Variants in LDHC observed in about 807,000 individuals in gnomAD.
LDHC encodes the protein L-lactate dehydrogenase C chain.
In LDHC, 20 loss-of-function variants were observed where a neutral mutation model predicts 30.2. That is an observed-to-expected ratio of 0.66 (90% CI 0.47 to 0.96). The LOEUF is 0.96. Among genes scored for constraint, LDHC ranks in the 40% least tolerant of loss-of-function variants. The pLI, the probability that LDHC is intolerant of heterozygous loss-of-function variation, is 0.00. For missense variants in LDHC, 362 were observed against 394.9 expected, an observed-to-expected ratio of 0.92 and a Z score of 0.71; for synonymous variants, 139 against 132.7, an observed-to-expected ratio of 1.05 and a Z score of -0.32.
intron 4 of LDHC, among the ~76,000 whole-genome samples, chr11:18,430,127 C>A (rs918826811): frequency 6.6e-6 from 1 of 152,156 alleles, no homozygotes; most frequent in African/African-American, 2.4e-5. Flanking sequence ...TTTCTTGTGC[C>A]TCCTTGCAGT....
At chr11:18,437,690 T>C (rs1434641878) in intron 5 of LDHC, among the ~76,000 whole-genome samples, 1 of 149,728 alleles carries the variant, frequency 6.7e-6, no homozygotes, top group East Asian at 2.0e-4. Flanking sequence ...AGGTGGAGCT[T>C]GCAGTGAGCC....
At chr11:18,446,056 T>G (rs1177910603) in intron 6 of LDHC, among the ~76,000 whole-genome samples, 154 bp from the exon 7 acceptor site, 2 of 152,200 alleles carry the variant, frequency 1.3e-5, no homozygotes, top group Non-Finnish European at 2.9e-5. Flanking sequence ...AAAGTTTTGT[T>G]GCCTGTTTAT....
At chr11:18,440,191 G>A (rs1301155233) in intron 6 of LDHC, among the ~76,000 whole-genome samples, 1 of 150,134 alleles carries the variant, frequency 6.7e-6, no homozygotes, top group Non-Finnish European at 1.5e-5. Context: ...GTGTGCCCCT[G>A]TAATCCCAGC....
chr11:18,426,089 C>T (rs1347171026), intron 3 of LDHC, among the ~76,000 whole-genome samples: 1 of 151,172 alleles, frequency 6.6e-6, no homozygotes, highest in Non-Finnish European at 1.5e-5. Context: ...AATCACAGTG[C>T]ACTGCAGCCT....
At chr11:18,445,164 A>G (rs1848534598) in intron 6 of LDHC, among the ~76,000 whole-genome samples, 1 of 152,154 alleles carries the variant, frequency 6.6e-6, no homozygotes, top group African/African-American at 2.4e-5. Context: ...TTACAACTGT[A>G]TAAATTTACA....
rs760397029 is a variant in LDHC, at chr11:18,412,829, A to T, written c.112A>T (p.Ser38Cys). The T allele has an allele frequency of 1.2e-6, 2 of 1,613,548 alleles. No homozygotes were observed. The highest frequency in any genetic ancestry group is 3.3e-5 in the Admixed American group (2 of 59,916). ...TGAVGMACAI[S>C]ILLKDLADEL... ...TGCCGTAGGCATGGCTTGTGCTATT[A>T]GTATCTTACTGAAGGTGAGTGAGAA... The change falls in exon 2 of 8, where the codon AGT becomes TGT. Residue 38 changes from serine (S) to cysteine (C), a missense_variant. Coordinates refer to ENST00000541669, the MANE Select transcript of LDHC (RefSeq NM_017448.5).
intron 5 of LDHC, among the ~76,000 whole-genome samples, chr11:18,435,693 G>A (rs1848344505): frequency 6.6e-6 from 1 of 152,172 alleles, no homozygotes; most frequent in Non-Finnish European, 1.5e-5. Flanking sequence ...TATATTCACA[G>A]GGTTGTACTA....
intron 3 of LDHC, among the ~76,000 whole-genome samples, chr11:18,422,972 A>G (rs1242903795): frequency 6.8e-6 from 1 of 147,232 alleles, no homozygotes; most frequent in Admixed American, 7.1e-5. Flanking sequence ...ACATGTCTCA[A>G]AAAAACCAAA....
At chr11:18,417,638 A>AG (rs567565157) in intron 3 of LDHC, among the ~76,000 whole-genome samples, 141 of 152,252 alleles carry the variant, frequency 9.3e-4, no homozygotes, top group Admixed American at 2.2e-3. Context: ...AGGCTCAAGC[A>AG]GTTGCAGGTG....
At chr11:18,438,500 A>T in intron 5 of LDHC, 28 bp from the exon 6 acceptor site, 1 of 1,388,146 alleles carries the variant, frequency 7.2e-7, no homozygotes, top group Non-Finnish European at 1.0e-6. Flanking sequence ...TGGGAAGAAG[A>T]GTTTATTTTG....
At chr11:18,426,591 A>G (rs1848165894) in intron 3 of LDHC, among the ~76,000 whole-genome samples, 1 of 152,018 alleles carries the variant, frequency 6.6e-6, no homozygotes, top group African/African-American at 2.4e-5. Context: ...TGAAATCAGA[A>G]CCTATTATTA....
chr11:18,444,725 A>G (rs1443696763), intron 6 of LDHC, among the ~76,000 whole-genome samples: 2 of 149,396 alleles, frequency 1.3e-5, no homozygotes, highest in African/African-American at 2.4e-5. Flanking sequence ...ACCTCCTGAT[A>G]TGAATGATAT....
chr11:18,425,465 C>T (rs1848145086), intron 3 of LDHC, among the ~76,000 whole-genome samples: 1 of 152,098 alleles, frequency 6.6e-6, no homozygotes, highest in Non-Finnish European at 1.5e-5. Context: ...ACTGCAATCT[C>T]TGCCTCCCAG....
intron 3 of LDHC, among the ~76,000 whole-genome samples, chr11:18,419,236 T>C (rs73436645): frequency 0.15 from 22,723 of 152,164 alleles, 1,882 homozygotes; most frequent in African/African-American, 0.21. Flanking sequence ...CAATAATACA[T>C]AAGCAAGTGG....
intron 7 of LDHC, among the ~76,000 whole-genome samples, chr11:18,447,913 G>T (rs1848582299): frequency 6.6e-6 from 1 of 151,906 alleles, no homozygotes. Flanking sequence ...GCTGAGTATG[G>T]TGGTGCACGC....
chr11:18,428,746 A>T (rs917664969), intron 3 of LDHC, among the ~76,000 whole-genome samples: 1 of 151,932 alleles, frequency 6.6e-6, no homozygotes, highest in Admixed American at 6.6e-5. Flanking sequence ...GTGATGGTGC[A>T]TGCCTGTAGT....
At chr11:18,420,744 T>C (rs1310901714) in intron 3 of LDHC, among the ~76,000 whole-genome samples, 1 of 148,016 alleles carries the variant, frequency 6.8e-6, no homozygotes, top group Non-Finnish European at 1.5e-5. Flanking sequence ...CACAAAAGTA[T>C]ATATATCAGG....
chr11:18,426,460 T>A (rs1227214233), intron 3 of LDHC, among the ~76,000 whole-genome samples: 2 of 140,230 alleles, frequency 1.4e-5, no homozygotes, highest in African/African-American at 5.5e-5. Context: ...CAGGGAGGCA[T>A]AGGTTGCAGT....
chr11:18,437,398 A>G (rs1206623797), intron 5 of LDHC, among the ~76,000 whole-genome samples: 1 of 152,086 alleles, frequency 6.6e-6, no homozygotes, highest in Non-Finnish European at 1.5e-5. Flanking sequence ...TACATTTGAA[A>G]CCTATTTTTA....
Sources: gnomAD v4.1 joint callset for allele counts (sites outside exome capture counted in the v4.1 genomes callset) on GRCh38, gnomAD v4.1.1 for gene constraint, MANE v1.5 for transcripts, NCBI Gene and HGNC (gene_info 2026-07-23, HGNC 2026-07-21) for gene names.